The following PRH1 variants were observed in gnomAD, a reference collection of about 807,000 sequenced individuals.
The protein encoded by PRH1 is salivary acidic proline-rich phosphoprotein 1/2.
In PRH1, 7 loss-of-function variants were observed where a neutral mutation model predicts 7.9. The observed-to-expected ratio is 0.89, with a 90% confidence interval of 0.50 to 1.67. PRH1 has a LOEUF of 1.67. PRH1 is among the 40% of genes most tolerant of loss of function. The pLI is 0.00. For synonymous variants in PRH1, 45 were observed against 80.8 expected (o/e 0.56, Z 2.38); for missense variants, 109 against 223.6 (o/e 0.49, Z 3.27).
intron 2 of PRH1, among the ~76,000 whole-genome samples, chr12:10,890,138 G>A (rs1344704683): frequency 6.6e-6 from 1 of 152,266 alleles, no homozygotes; most frequent in Non-Finnish European, 1.5e-5. Flanking sequence ...AGCCCAATAA[G>A]GGTAGGTTCG....
intron 1 of PRH1, among the ~76,000 whole-genome samples, chr12:11,042,017 C>G (rs34496602): frequency 0.24 from 33,918 of 143,282 alleles, 3,826 homozygotes; most frequent in Non-Finnish European, 0.26. Context: ...AAGCCTACAT[C>G]AGAAAAGAAG....
chr12:11,091,996 T>C lies in PRH1; in HGVS notation n.124-44808A>G, dbSNP rs755635590. The C allele has an allele frequency of 1.5e-5, 21 of 1,406,190 alleles. 1 individual carries two copies. The highest frequency in any genetic ancestry group is 2.1e-5 in the Non-Finnish European group (21 of 1,017,284). The allele number at this position is 1,406,190 out of a possible 1,614,324, so 87.1% of individuals were successfully genotyped here. ...TATTATAAGCAGTAGTTCTTACTTC[T>C]ACACTATTAAAAGCTGGATTCAACA... On this transcript the variant is annotated intron_variant and non_coding_transcript_variant, in intron 1 of 4. Coordinates refer to the PRH1 transcript ENST00000541977.
intron 1 of PRH1, among the ~76,000 whole-genome samples, chr12:11,166,596 T>C (rs1488400532): frequency 6.6e-6 from 1 of 152,210 alleles, no homozygotes; most frequent in Non-Finnish European, 1.5e-5. Context: ...CCCCTAGCAC[T>C]GGCCAACAAC....
intron 1 of PRH1, among the ~76,000 whole-genome samples, chr12:11,020,379 T>G (rs1229947317): frequency 3.3e-5 from 4 of 121,064 alleles, no homozygotes; most frequent in Non-Finnish European, 5.5e-5. Flanking sequence ...TATATATATA[T>G]ATATATATAT....
intron 1 of PRH1, among the ~76,000 whole-genome samples, chr12:11,168,295 A>G (rs370166455): frequency 0.011 from 244 of 22,450 alleles, 17 homozygotes; most frequent in African/African-American, 0.043. Context: ...AAAGAAAGAA[A>G]GAAAGAAGGA....
intron 2 of PRH1, among the ~76,000 whole-genome samples, chr12:10,967,114 CAA>C (rs35838979): frequency 3.9e-3 from 384 of 99,314 alleles, no homozygotes; most frequent in African/African-American, 6.5e-3. Flanking sequence ...GACTCCGTCT[CAA>C]AAAAAAAAAA....
rs1565725926 is a variant in PRH1, at chr12:11,168,292, GAAAGAAA to G, written n.39+3123_39+3129del. On this transcript the variant is annotated intron_variant and non_coding_transcript_variant, in intron 1 of 1. Transcript: ENST00000541175. Reference sequence around the variant, plus strand: ...AGAAAGAAAGAAAGAAAGAAAGAAAGAAAGAAAGAAGGAAGGAAGGAAGGAAGGAAGG... The same window carrying G: ...AGAAAGAAAGAAAGAAAGAAAGAAAGGAAGGAAGGAAGGAAGGAAGGAAGG... 5.7e-4 allele frequency among the ~76,000 whole-genome samples: 19 copies of G among 33,530 alleles called. 1 individual carries two copies. The highest frequency in any genetic ancestry group is 1.0e-3 in the African/African-American group (11 of 10,892). 22.0% of individuals were successfully genotyped at this position (33,530 alleles called of 152,430 possible). A position where few individuals can be genotyped will look rare whatever the true frequency, so the allele number is the denominator to read the frequency against.
chr12:11,055,671 A>G (rs570730069), intron 1 of PRH1, among the ~76,000 whole-genome samples: 40 of 152,314 alleles, frequency 2.6e-4, no homozygotes, highest in African/African-American at 7.7e-4. Flanking sequence ...CAGCATGCAA[A>G]TCAGGTCATA....
chr12:11,051,223 A>G (rs1237371718), upstream of PRH1, among the ~76,000 whole-genome samples: 2 of 152,242 alleles, frequency 1.3e-5, no homozygotes, highest in African/African-American at 4.8e-5. Flanking sequence ...CATGAAGTAG[A>G]TAATTAAAAC....
chr12:11,133,744 T>C (rs752515043), intron 1 of PRH1: 25 of 1,614,070 alleles, frequency 1.5e-5, no homozygotes, highest in Non-Finnish European at 2.1e-5. Context: ...CACTCCTCAA[T>C]TTGATCTTCC....
At chr12:11,022,765 A>G (rs527765973) in intron 1 of PRH1, 22 of 564,092 alleles carry the variant, frequency 3.9e-5, no homozygotes, top group African/African-American at 1.5e-4. Context: ...TTATAGAAAT[A>G]GAAAAGGTCA....
intron 2 of PRH1, among the ~76,000 whole-genome samples, chr12:10,943,909 A>G (rs1269619969): frequency 6.6e-6 from 1 of 152,114 alleles, no homozygotes; most frequent in Non-Finnish European, 1.5e-5. Flanking sequence ...TGGGATCTCT[A>G]TTCTGTTCCA....
chr12:11,074,456 T>A, intron 1 of PRH1, among the ~76,000 whole-genome samples: 1 of 136,212 alleles, frequency 7.3e-6, no homozygotes, highest in East Asian at 2.0e-4. Context: ...GAGGTGAGAG[T>A]TCCATGAGGG....
intron 1 of PRH1, chr12:11,134,477 A>T: frequency 1.9e-6 from 1 of 526,340 alleles, no homozygotes; most frequent in Non-Finnish European, 3.2e-6. Flanking sequence ...AACAATTCAA[A>T]TTAACTGACT....
intron 1 of PRH1, among the ~76,000 whole-genome samples, chr12:11,150,433 A>G (rs1592110597): frequency 6.6e-6 from 1 of 152,270 alleles, no homozygotes; most frequent in Non-Finnish European, 1.5e-5. Flanking sequence ...ATGTCCAACA[A>G]TGATAGACTG....
At chr12:11,049,838 A>G (rs756496333), upstream of PRH1, among the ~76,000 whole-genome samples, 9 of 152,214 alleles carry the variant, frequency 5.9e-5, no homozygotes, top group Non-Finnish European at 8.8e-5. Flanking sequence ...AGGCCAATAC[A>G]CCTTAAAATC....
intron 1 of PRH1, among the ~76,000 whole-genome samples, chr12:11,124,504 C>A (rs1285235760): frequency 1.3e-5 from 2 of 151,958 alleles, no homozygotes; most frequent in South Asian, 2.1e-4. Flanking sequence ...AGTTTAATAT[C>A]ATCTATAATT....
intron 1 of PRH1, among the ~76,000 whole-genome samples, chr12:11,121,614 A>G (rs1172285197): frequency 6.6e-6 from 1 of 152,198 alleles, no homozygotes; most frequent in African/African-American, 2.4e-5. Context: ...CTTCATTCCT[A>G]TTATACAAAC....
intron 1 of PRH1, chr12:10,996,955 T>G: frequency 6.2e-7 from 1 of 1,605,748 alleles, no homozygotes; most frequent in Non-Finnish European, 8.5e-7. Context: ...TCTATGGAGT[T>G]GACTGGTTCT....
Sources: allele counts gnomAD v4.1 joint callset (sites outside exome capture counted in the v4.1 genomes callset), GRCh38; gene constraint gnomAD v4.1.1; transcripts MANE v1.5; gene names NCBI Gene and HGNC (gene_info 2026-07-23, HGNC 2026-07-21).